The following TMEM187 variants were observed in gnomAD, a reference collection of about 807,000 sequenced individuals.
TMEM187 encodes chromosome X open reading frame 12.
A neutral mutation model predicts 11.8 loss-of-function variants in TMEM187; 14 were observed. The ratio of observed to expected loss-of-function variants is 1.18; its 90% CI spans 0.78 to 1.85. The LOEUF (loss-of-function observed/expected upper bound fraction) is 1.85, where lower values mean the gene tolerates loss of function less well. Ranked by LOEUF, TMEM187 falls within the 40% of genes most tolerant of loss-of-function variation. TMEM187 has a pLI of 0.00. For synonymous variants in TMEM187, 112 were observed against 118.5 expected, an observed-to-expected ratio of 0.95 and a Z score of 0.36; for missense variants, 227 against 243.9, an observed-to-expected ratio of 0.93 and a Z score of 0.46.
chrX:153,981,090 C>T (rs997562493), intron 1 of TMEM187: 1 of 109,016 alleles, frequency 9.2e-6, no homozygotes, highest in Non-Finnish European at 1.9e-5. Flanking sequence ...CTCTTGAGTG[C>T]GAAATTTATT....
chrX:153,981,429 A>G (rs984359996), intron 1 of TMEM187, among the ~76,000 whole-genome samples: 31 of 111,568 alleles, frequency 2.8e-4, no homozygotes, highest in African/African-American at 9.8e-4. Context: ...GCAGACGGTG[A>G]ATCCTCCTCC....
At chrX:153,976,159 A>G (rs907951932) in intron 1 of TMEM187, among the ~76,000 whole-genome samples, 2 of 111,955 alleles carry the variant, frequency 1.8e-5, no homozygotes, top group African/African-American at 6.5e-5. Flanking sequence ...TATGGAAGCA[A>G]TCTAAGTGTC....
Position 153,982,596 on chromosome X carries a change from G to A in TMEM187, c.534G>A (p.Ala178=), listed in dbSNP as rs138599663. 24 of 1,210,327 alleles carry A rather than the reference G, an allele frequency of 2.0e-5. No individual in the cohort carries two copies. The highest frequency in any genetic ancestry group is 1.9e-4 in the African/African-American group (11 of 57,616). ...GAHVVAAVGQ[A]LRTHRHYGST... The stretch of plus-strand genomic sequence containing the variant: ...ACGTGGTGGCCGCTGTGGGGCAGGC[G>A]CTGCGCACCCACAGGCACTATGGCA... The change falls in exon 2 of 2, where the codon GCG becomes GCA. Residue 178 remains alanine (A), a synonymous_variant. Coordinates refer to ENST00000369982, the MANE Select transcript of TMEM187 (RefSeq NM_003492.3).
intron 1 of TMEM187, among the ~76,000 whole-genome samples, chrX:153,978,715 C>T (rs1557121871): frequency 9.2e-6 from 1 of 108,524 alleles, no homozygotes; most frequent in Admixed American, 9.9e-5. Flanking sequence ...TCCCGAGTAG[C>T]TGGGATTATA....
At chrX:153,975,660 T>TTTTTTTA (rs2065574963) in intron 1 of TMEM187, among the ~76,000 whole-genome samples, 1 of 12,657 alleles carries the variant, frequency 7.9e-5, no homozygotes, top group African/African-American at 3.4e-4. Flanking sequence ...TTTTTTTTTT[T>TTTTTTTA]AAAGACAGAG....
rs187130858 is a variant in TMEM187 at position 153,982,742 on chromosome X, T to G, written c.680T>G (p.Phe227Cys). The change falls in exon 2 of 2, where the codon TTC becomes TGC. Residue 227 changes from phenylalanine to cysteine, a missense_variant. Phe to Cys is a radical substitution (Grantham distance 205, BLOSUM62 -2). Transcript: ENST00000369982. ...WRLFQCLTGH[F>C]WSKVCDVLQF... ...CTCTTCCAGTGCCTCACAGGCCACT[T>G]CTGGTCCAAGGTCTGTGACGTGCTC... The G allele has an allele frequency of 1.3e-5, 16 of 1,211,116 alleles. No homozygotes were observed. Among genetic ancestry groups the G allele is most frequent in the Middle Eastern group, 2.3e-4 (1 of 4,356 alleles).
At chrX:153,979,928 G>A (rs782282249) in intron 1 of TMEM187, among the ~76,000 whole-genome samples, 65 of 107,927 alleles carry the variant, frequency 6.0e-4, no homozygotes, top group Non-Finnish European at 9.6e-4. Context: ...TAGTAGAGAC[G>A]GGGTTTCACC....
chrX:153,980,410 T>C (rs2065595769), intron 1 of TMEM187, among the ~76,000 whole-genome samples: 1 of 111,787 alleles, frequency 8.9e-6, no homozygotes, highest in Non-Finnish European at 1.9e-5. Context: ...AGAAGCCACG[T>C]GGAAGCCCTC....
At chrX:153,973,239 A>G (rs1046171164) in intron 1 of TMEM187, among the ~76,000 whole-genome samples, 1 of 112,814 alleles carries the variant, frequency 8.9e-6, no homozygotes, top group Non-Finnish European at 1.9e-5. Context: ...ATTTTCAACA[A>G]TATTTTTAAA....
chrX:153,978,594 T>TTG (rs2065586097), intron 1 of TMEM187, among the ~76,000 whole-genome samples: 1 of 80,743 alleles, frequency 1.2e-5, no homozygotes, highest in African/African-American at 5.7e-5. Context: ...TTTTTTTTTT[T>TTG]GGGGGGGAGA....
At chrX:153,979,939 G>A (rs896748245) in intron 1 of TMEM187, among the ~76,000 whole-genome samples, 10 of 108,376 alleles carry the variant, frequency 9.2e-5, no homozygotes, top group East Asian at 2.9e-4. Flanking sequence ...GGGTTTCACC[G>A]TGTTAGCCAG....
Position 153,983,027 on chromosome X carries a change from A to G in TMEM187, c.*179A>G. On this transcript the variant is annotated 3_prime_UTR_variant, in exon 2 of 2. Transcript: ENST00000369982. ...GGAGGGGTGGAGTGCTGTGATCTCG[A>G]CAACTTACTTTCAAAGACATAAAGC... is the stretch of plus-strand genomic sequence containing the variant. The G allele has an allele frequency of 1.1e-6, 1 of 941,093 alleles. No homozygotes were observed. Among genetic ancestry groups the G allele is most frequent in the Non-Finnish European group, 1.5e-6 (1 of 677,788 alleles). 77.6% of individuals were successfully genotyped at this position (941,093 alleles called of 1,213,427 possible). A position where few individuals can be genotyped will look rare whatever the true frequency, so the allele number is the denominator to read the frequency against.
rs782556935 is a variant in TMEM187 at position 153,983,109 on chromosome X, G to A, written c.*261G>A. ...CTGATGTAATTTGCATAACTTTTCT[G>A]TAGTTTGAAATGTTTCCAAATAAAT... On this transcript the variant is annotated 3_prime_UTR_variant, in exon 2 of 2. Transcript: ENST00000369982. 1 of 500,458 alleles carries A rather than the reference G, an allele frequency of 2.0e-6. No homozygotes were observed. The highest frequency in any genetic ancestry group is 3.3e-5 in the South Asian group (1 of 30,304). The allele number at this position is 500,458 out of a possible 1,213,427, so 41.2% of individuals were successfully genotyped here.
intron 1 of TMEM187, among the ~76,000 whole-genome samples, chrX:153,975,682 C>T (rs1569547176): frequency 0.029 from 1 of 35 alleles, no homozygotes; most frequent in Non-Finnish European, 0.043. Context: ...CTTGCTCTGT[C>T]GCCCCAGGCT....
In TMEM187 at chrX:153,981,847, A is replaced by G. The variant is rs2065603187; in HGVS notation, c.-213-3A>G. The stretch of plus-strand genomic sequence containing the variant: ...TAACCACACTCCTTTTGTAACCACA[A>G]AGGAAAAAGGCAGAACGTTCCTCCG... On this transcript the variant is annotated splice_polypyrimidine_tract_variant and splice_region_variant and intron_variant, in intron 1 of 1. Transcript: ENST00000369982. The G allele has an allele frequency of 3.3e-6, 2 of 603,032 alleles. No homozygotes were observed. Among genetic ancestry groups the G allele is most frequent in the South Asian group, 2.9e-5 (1 of 34,374 alleles). 49.7% of individuals were successfully genotyped at this position (603,032 alleles called of 1,213,427 possible). A position where few individuals can be genotyped will look rare whatever the true frequency, so the allele number is the denominator to read the frequency against.
In TMEM187 at chrX:153,975,629, CTTTTTTTTTTTT is replaced by C. The variant is rs58423366; in HGVS notation, c.-214+2789_-214+2800del. ...ACAGGTGTGAGCCACCACACCCAGCCTTTTTTTTTTTTTTTTTTTTTTTTTTTTTTTAAAGAC... is the reference window on the plus strand; with the variant it reads ...ACAGGTGTGAGCCACCACACCCAGCCTTTTTTTTTTTTTTTTTTTAAAGAC... On this transcript the variant is annotated intron_variant, in intron 1 of 1. Coordinates refer to ENST00000369982, the MANE Select transcript of TMEM187 (RefSeq NM_003492.3). 5.4e-3 allele frequency among the ~76,000 whole-genome samples: 90 copies of C among 16,650 alleles called. 1 individual carries two copies. The highest frequency in any genetic ancestry group is 0.013 in the Admixed American group (10 of 774). The allele number at this position is 16,650 out of a possible 115,157, so 14.5% of individuals were successfully genotyped here. A position where few individuals can be genotyped will look rare whatever the true frequency, so the allele number is the denominator to read the frequency against.
At chrX:153,981,087 G>A (rs1569547228) in intron 1 of TMEM187, 1 of 109,236 alleles carries the variant, frequency 9.2e-6, no homozygotes, top group Non-Finnish European at 1.9e-5. Flanking sequence ...ACCCTCTTGA[G>A]TGCGAAATTT....
At chrX:153,978,645 G>T (rs1406489365) in intron 1 of TMEM187, among the ~76,000 whole-genome samples, 1 of 81,368 alleles carries the variant, frequency 1.2e-5, no homozygotes, top group African/African-American at 4.8e-5. Flanking sequence ...GTGCAGTGGC[G>T]TGATCTCGGC....
At chrX:153,973,269 C>T (rs993896794) in intron 1 of TMEM187, among the ~76,000 whole-genome samples, 1 of 112,591 alleles carries the variant, frequency 8.9e-6, no homozygotes, top group African/African-American at 3.2e-5. Flanking sequence ...CAACATATTA[C>T]ATGTATTTTG....
Sources: allele counts gnomAD v4.1 joint callset (sites outside exome capture counted in the v4.1 genomes callset), GRCh38; gene constraint gnomAD v4.1.1; transcripts MANE v1.5; gene names NCBI Gene and HGNC (gene_info 2026-07-23, HGNC 2026-07-21).